The following GPR137B variants were observed in gnomAD, a reference collection of about 807,000 sequenced individuals.
GPR137B encodes G protein-coupled receptor 137B.
A neutral mutation model predicts 42.5 loss-of-function variants in GPR137B; 42 were observed. The ratio of observed to expected loss-of-function variants is 0.99; its 90% CI spans 0.77 to 1.28. The LOEUF is 1.28. Among genes scored for constraint, GPR137B ranks in the 50% most tolerant of loss-of-function variants. The pLI is 0.00. For synonymous variants in GPR137B, 218 were observed against 209.7 expected (o/e 1.04, Z -0.34); for missense variants, 487 against 493.9 (o/e 0.99, Z 0.13).
intron 5 of GPR137B, among the ~76,000 whole-genome samples, chr1:236,184,778 T>C (rs1367355145): frequency 1.3e-5 from 2 of 152,090 alleles, no homozygotes; most frequent in Admixed American, 6.5e-5. Context: ...TGGTTTTTTT[T>C]TCTTTTGAGA....
In GPR137B at chr1:236,208,276, C is replaced by T. The variant is rs970643889; in HGVS notation, c.*118C>T. Reference sequence around the variant, plus strand: ...AATAGAACTTGATTTTTATTTGTTACAGGTTTCCAATGGCCCCATAGGAAT... The same window carrying T: ...AATAGAACTTGATTTTTATTTGTTATAGGTTTCCAATGGCCCCATAGGAAT... On this transcript the variant is annotated 3_prime_UTR_variant, in exon 7 of 7. Transcript: ENST00000366592. The T allele has an allele frequency of 6.8e-7, 1 of 1,474,514 alleles. No individual in the cohort carries two copies. The highest frequency in any genetic ancestry group is 2.5e-5 in the Admixed American group (1 of 39,706). 91.3% of individuals were successfully genotyped at this position (1,474,514 alleles called of 1,614,324 possible). A position where few individuals can be genotyped will look rare whatever the true frequency, so the allele number is the denominator to read the frequency against.
Position 236,179,472 on chromosome 1 carries a change from G to A in GPR137B, c.688-407G>A, listed in dbSNP as rs1479432037. Among the ~76,000 whole-genome samples the A allele has an allele frequency of 2.0e-5, 3 of 152,068 alleles. No homozygotes were observed. In the East Asian group the frequency reaches 5.8e-4, roughly 29 times the overall value. ...CGTCCTGAGCTCTGCCCCAGCCATT[G>A]TCCCTCTGAGATTGTTTACTTGCCT... On this transcript the variant is annotated intron_variant, in intron 3 of 6. Coordinates refer to ENST00000366592, the MANE Select transcript of GPR137B (RefSeq NM_003272.4).
intron 2 of GPR137B, among the ~76,000 whole-genome samples, chr1:236,170,445 C>T (rs761450332): frequency 6.6e-6 from 1 of 152,088 alleles, no homozygotes; most frequent in Non-Finnish European, 1.5e-5. Flanking sequence ...ATACAAGTCC[C>T]AAGACTCACC....
chr1:236,204,013 A>G (rs1279699173), intron 5 of GPR137B, among the ~76,000 whole-genome samples: 1 of 152,178 alleles, frequency 6.6e-6, no homozygotes, highest in Non-Finnish European at 1.5e-5. Context: ...AAAGGCTTGT[A>G]GTTTTCCCCT....
rs1184441473 is a variant in GPR137B at position 236,150,013 on chromosome 1, GCCTGTGTGTGTA to G, written c.414+6989_414+7000del. On this transcript the variant is annotated intron_variant, in intron 1 of 6. Transcript: ENST00000366592. This position sits in a 1 kb window ranked among gnomAD's most constrained non-coding sequence, Gnocchi z 6.2. Reference sequence around the variant, plus strand: ...TTTGTGTATGTGTGCCTGTGTGTGTGCCTGTGTGTGTACCTGTGTGTGTGTGTGCCTGCCTCT... The same window carrying G: ...TTTGTGTATGTGTGCCTGTGTGTGTGCCTGTGTGTGTGTGTGCCTGCCTCT... Among the ~76,000 whole-genome samples the G allele has an allele frequency of 6.4e-4, 97 of 151,348 alleles. No homozygotes were observed. The South Asian group carries it at 0.011, about 17-fold the overall frequency.
chr1:236,175,092 C>T (rs773549742), intron 2 of GPR137B, among the ~76,000 whole-genome samples: 3 of 151,334 alleles, frequency 2.0e-5, no homozygotes, highest in Non-Finnish European at 2.9e-5. Flanking sequence ...TTTGGGAGGC[C>T]GAGACGGGAG....
At chr1:236,181,966 C>T (rs984263925) in intron 4 of GPR137B, among the ~76,000 whole-genome samples, 2 of 140,300 alleles carry the variant, frequency 1.4e-5, no homozygotes, top group Admixed American at 7.9e-5. Context: ...AATCTTGGCT[C>T]ACTGCAACCT....
At chr1:236,203,620 T>C (rs902996601) in intron 5 of GPR137B, among the ~76,000 whole-genome samples, 2 of 152,230 alleles carry the variant, frequency 1.3e-5, no homozygotes, top group African/African-American at 4.8e-5. Flanking sequence ...AGTATGGCCA[T>C]TTTAACAATA....
chr1:236,191,793 T>C (rs2102919863), intron 5 of GPR137B, among the ~76,000 whole-genome samples: 1 of 152,288 alleles, frequency 6.6e-6, no homozygotes, highest in South Asian at 2.1e-4. Context: ...CCAGTCAGGA[T>C]ACATGGGGGT....
intron 2 of GPR137B, among the ~76,000 whole-genome samples, chr1:236,177,094 G>T (rs749600350): frequency 4.6e-5 from 7 of 152,118 alleles, no homozygotes; most frequent in Non-Finnish European, 7.4e-5. Context: ...AAAGTTCTTT[G>T]GTAGAACTGG....
At chr1:236,184,866 A>G (rs1662977489) in intron 5 of GPR137B, among the ~76,000 whole-genome samples, 1 of 151,980 alleles carries the variant, frequency 6.6e-6, no homozygotes, top group Non-Finnish European at 1.5e-5. Context: ...TCCCGGGTTT[A>G]AGCGATTCTC....
intron 2 of GPR137B, among the ~76,000 whole-genome samples, chr1:236,173,152 G>A (rs1189244797): frequency 4.6e-5 from 7 of 151,698 alleles, no homozygotes; most frequent in African/African-American, 1.2e-4. Context: ...TCAGCTGGGC[G>A]TAGTGGTGCG....
chr1:236,145,653 G>A (rs1477919172), intron 1 of GPR137B, among the ~76,000 whole-genome samples: 2 of 152,008 alleles, frequency 1.3e-5, no homozygotes, highest in East Asian at 1.9e-4. Context: ...CACCGCACCC[G>A]GCCAAGAAAG....
At chr1:236,160,080 G>A (rs996159138) in intron 1 of GPR137B, among the ~76,000 whole-genome samples, 125 of 152,344 alleles carry the variant, frequency 8.2e-4, no homozygotes, top group Non-Finnish European at 7.3e-5. Flanking sequence ...AAGAAACGAT[G>A]CTAAAACCGA....
At chr1:236,178,855 T>TG (rs1424852350) in intron 3 of GPR137B, among the ~76,000 whole-genome samples, 2 of 129,198 alleles carry the variant, frequency 1.5e-5, no homozygotes, top group Non-Finnish European at 1.6e-5. Context: ...TGGAGTGCAG[T>TG]GGGGTGATCT....
rs139529003 is a variant in GPR137B, at chr1:236,183,843, G to A, written c.903G>A (p.Trp301Ter). The change falls in exon 5 of 7, where the codon TGG (tryptophan) becomes TGA (stop). Residue 301 changes from tryptophan (W) to a stop codon, truncating the protein, a stop_gained. Transcript: ENST00000366592. LOFTEE classifies it high-confidence loss of function. The stretch of plus-strand genomic sequence containing the variant: ...TATTTGGAGTGGTGTTATTTGTTTG[G>A]GAACTCTTACCTACCACCTTAGTCG... Reference protein sequence around the residue: ...YVLFGVVLFVWELLPTTLVVY... With the variant: ...YVLFGVVLFV 2.0e-5 allele frequency: 32 copies of A among 1,604,830 alleles called. No homozygotes were observed. The highest frequency in any genetic ancestry group is 2.7e-5 in the Non-Finnish European group (32 of 1,171,896).
At chr1:236,176,277 G>A (rs1241929026) in intron 2 of GPR137B, among the ~76,000 whole-genome samples, 1 of 152,156 alleles carries the variant, frequency 6.6e-6, no homozygotes, top group East Asian at 1.9e-4. Context: ...CATGACACAT[G>A]AGGTCGAATC....
At chr1:236,177,941 T>C (rs1662735143) in intron 2 of GPR137B, among the ~76,000 whole-genome samples, 1 of 151,960 alleles carries the variant, frequency 6.6e-6, no homozygotes, top group South Asian at 2.1e-4. Flanking sequence ...ATTATACAAA[T>C]TCATTATCTC....
chr1:236,146,495 T>A, intron 1 of GPR137B, among the ~76,000 whole-genome samples: 1 of 152,094 alleles, frequency 6.6e-6, no homozygotes. Flanking sequence ...CAGTCCTTTG[T>A]GCTTTTGCAG....
Sources: allele counts gnomAD v4.1 joint callset (sites outside exome capture counted in the v4.1 genomes callset), GRCh38; gene constraint gnomAD v4.1.1; non-coding constraint Gnocchi (gnomAD v3.1); transcripts MANE v1.5; gene names NCBI Gene and HGNC (gene_info 2026-07-23, HGNC 2026-07-21).